The following SDK1 variants were observed in gnomAD, a reference collection of about 807,000 sequenced individuals.
SDK1 encodes protein sidekick-1.
In SDK1, 157 loss-of-function variants were observed where a neutral mutation model predicts 245.5. The observed-to-expected ratio is 0.64, with a 90% CI of 0.56 to 0.73. The LOEUF (loss-of-function observed/expected upper bound fraction) is 0.73, where lower values mean the gene tolerates loss of function less well. SDK1 is among the 30% of genes least tolerant of loss of function. The probability of loss-of-function intolerance (pLI) is 0.00; values close to 1 mark genes in which losing one functional copy is unlikely to be tolerated. For synonymous variants in SDK1, 1,647 were observed against 1,278.5 expected, an observed-to-expected ratio of 1.29 and a Z score of -6.15; for missense variants, 3,583 against 3,002.3, an observed-to-expected ratio of 1.19 and a Z score of -4.52.
intron 1 of SDK1, among the ~76,000 whole-genome samples, chr7:3,410,508 G>A (rs1365138592): frequency 6.6e-6 from 1 of 151,240 alleles, no homozygotes; most frequent in East Asian, 1.9e-4. Flanking sequence ...TATGGGGGAA[G>A]CTGTGACTGG....
Position 3,667,975 on chromosome 7 carries a change from T to G in SDK1, c.713+25870T>G, listed in dbSNP as rs572488341. On this transcript the variant is annotated intron_variant, in intron 4 of 44. Coordinates refer to ENST00000404826, the MANE Select transcript of SDK1 (RefSeq NM_152744.4). Reference sequence around the variant, plus strand: ...CCAGTTACATGCTTGGAGTAGACTTTCTGGTAAGTGTATGTTTATTTAACT... The same window carrying G: ...CCAGTTACATGCTTGGAGTAGACTTGCTGGTAAGTGTATGTTTATTTAACT... Among the ~76,000 whole-genome samples, 12 of 152,312 alleles carry G rather than the reference T, an allele frequency of 7.9e-5. 1 individual carries two copies. The highest frequency in any genetic ancestry group is 2.9e-4 in the African/African-American group (12 of 41,568).
intron 1 of SDK1, among the ~76,000 whole-genome samples, chr7:3,466,749 T>A (rs968930418): frequency 6.6e-6 from 1 of 151,764 alleles, no homozygotes; most frequent in African/African-American, 2.4e-5. Context: ...GTCAAGAGGA[T>A]TATGCAAAGT....
At chr7:3,847,786 A>G (rs1322516210) in intron 5 of SDK1, among the ~76,000 whole-genome samples, 1 of 152,236 alleles carries the variant, frequency 6.6e-6, no homozygotes, top group African/African-American at 2.4e-5. Flanking sequence ...CCATGACATC[A>G]TTCTTCTGAA....
chr7:3,410,099 ATAAG>A (rs1228265042), intron 1 of SDK1, among the ~76,000 whole-genome samples: 28 of 152,332 alleles, frequency 1.8e-4, no homozygotes, highest in African/African-American at 6.7e-4. Flanking sequence ...CTGGCACATA[ATAAG>A]TAATACTTAA....
chr7:3,556,928 G>C (rs1015905208), intron 1 of SDK1, among the ~76,000 whole-genome samples: 8 of 152,004 alleles, frequency 5.3e-5, no homozygotes, highest in Admixed American at 3.9e-4. Flanking sequence ...TTGTATGTCT[G>C]TATCACAATA....
chr7:3,312,817 T>A (rs868426625), intron 1 of SDK1, among the ~76,000 whole-genome samples: 1 of 152,134 alleles, frequency 6.6e-6, no homozygotes, highest in African/African-American at 2.4e-5. Flanking sequence ...AGAGACACTA[T>A]TAGAAGATAG....
At position 4,137,913 on chromosome 7, in the gene SDK1, T is replaced by TG. The variant is rs538192700; in HGVS notation, c.4228+5491dup. ...AAGGACTGCTACTCAGCTGCTCCTT[T>TG]GTGCCATTTATGTACAGAAAAAAAG... On this transcript the variant is annotated intron_variant, in intron 28 of 44. Transcript: ENST00000404826. Among the ~76,000 whole-genome samples the TG allele has an allele frequency of 1.5e-4, 23 of 152,358 alleles. No homozygotes were observed. In the South Asian group the frequency reaches 4.3e-3, roughly 29 times the overall value.
At chr7:3,713,237 TAAG>T (rs1785099726) in intron 4 of SDK1, among the ~76,000 whole-genome samples, 1 of 152,230 alleles carries the variant, frequency 6.6e-6, no homozygotes, top group Admixed American at 6.5e-5. Context: ...TTTGTTAGGA[TAAG>T]AAGGATAATG....
At chr7:3,913,505 G>A (rs1389188798) in intron 5 of SDK1, among the ~76,000 whole-genome samples, 1 of 152,006 alleles carries the variant, frequency 6.6e-6, no homozygotes, top group Non-Finnish European at 1.5e-5. Flanking sequence ...ATGTTAGCCA[G>A]GATGGTCTCG....
At chr7:3,318,619 C>T (rs1488220285) in intron 1 of SDK1, among the ~76,000 whole-genome samples, 1 of 152,132 alleles carries the variant, frequency 6.6e-6, no homozygotes, top group Non-Finnish European at 1.5e-5. Flanking sequence ...CCTTTTCTTC[C>T]AATTCCATAG....
chr7:3,357,798 G>C (rs1436466159), intron 1 of SDK1, among the ~76,000 whole-genome samples: 1 of 152,072 alleles, frequency 6.6e-6, no homozygotes. Context: ...AAACCAAACA[G>C]TAAACTCTGA....
chr7:3,396,021 T>C (rs1781887755), intron 1 of SDK1, among the ~76,000 whole-genome samples: 1 of 151,922 alleles, frequency 6.6e-6, no homozygotes, highest in Non-Finnish European at 1.5e-5. Flanking sequence ...TCTTCTGTTT[T>C]CTACATTTTA....
At chr7:3,553,116 C>G (rs987777513) in intron 1 of SDK1, among the ~76,000 whole-genome samples, 1 of 151,992 alleles carries the variant, frequency 6.6e-6, no homozygotes, top group Admixed American at 6.6e-5. Context: ...CTTTCCTATT[C>G]ATATATTTTT....
At chr7:4,061,555 A>T (rs895504386) in intron 19 of SDK1, among the ~76,000 whole-genome samples, 2 of 151,908 alleles carry the variant, frequency 1.3e-5, no homozygotes, top group African/African-American at 2.4e-5. Flanking sequence ...TAGTTCAACC[A>T]TTGTGGAAGT....
At chr7:3,987,353 A>G (rs777852659) in intron 14 of SDK1, 31 bp downstream of exon 14, 1 of 1,610,134 alleles carries the variant, frequency 6.2e-7, no homozygotes, top group Non-Finnish European at 8.5e-7. Context: ...GTCACCATGG[A>G]CGATAATCAG....
At chr7:3,710,170 G>C (rs888145266) in intron 4 of SDK1, among the ~76,000 whole-genome samples, 39 of 152,286 alleles carry the variant, frequency 2.6e-4, no homozygotes, top group Admixed American at 1.1e-3. Context: ...TGACAGATCT[G>C]GTGGTACTTA....
intron 13 of SDK1, among the ~76,000 whole-genome samples, 153 bp from the exon 14 acceptor site, chr7:3,987,033 G>A (rs986074082): frequency 3.3e-5 from 5 of 152,142 alleles, no homozygotes; most frequent in South Asian, 2.1e-4. Flanking sequence ...CCTTTTCTGG[G>A]GGGAAGAGAG....
At chr7:4,167,912 C>T (rs770635025) in intron 32 of SDK1, among the ~76,000 whole-genome samples, 3 of 152,344 alleles carry the variant, frequency 2.0e-5, no homozygotes, top group Non-Finnish European at 2.9e-5. Flanking sequence ...TGCAAGGCCA[C>T]GACCCAAATC....
intron 40 of SDK1, among the ~76,000 whole-genome samples, chr7:4,226,442 G>A (rs1785451423): frequency 6.6e-6 from 1 of 152,258 alleles, no homozygotes; most frequent in African/African-American, 2.4e-5. Context: ...GATGGTAGTG[G>A]AGCGTGCTGC....
Sources: gnomAD v4.1 joint callset for allele counts (sites outside exome capture counted in the v4.1 genomes callset) on GRCh38, gnomAD v4.1.1 for gene constraint, MANE v1.5 for transcripts, NCBI Gene and HGNC (gene_info 2026-07-23, HGNC 2026-07-21) for gene names.